CHMP1A: variants seen among roughly 807,000 people sequenced by gnomAD.
CHMP1A encodes the protein VPS46 homolog A.
CHMP1A carries 17 observed loss-of-function variants against 27.0 expected under a neutral mutation model. That is an observed-to-expected ratio of 0.63 (90% CI 0.43 to 0.95). The LOEUF (loss-of-function observed/expected upper bound fraction) is 0.95. Among genes scored for constraint, CHMP1A ranks in the 40% least tolerant of loss-of-function variants. CHMP1A has a pLI of 0.00. For synonymous variants in CHMP1A, 131 were observed against 107.5 expected, an observed-to-expected ratio of 1.22 and a Z score of -1.35; for missense variants, 275 against 264.0, an observed-to-expected ratio of 1.04 and a Z score of -0.29.
At chr16:89,646,923 T>A (rs1224226340) in intron 5 of CHMP1A, 2 of 599,266 alleles carry the variant, frequency 3.3e-6, no homozygotes, top group Non-Finnish European at 5.4e-6. Flanking sequence ...GTGCCATGCC[T>A]GCTGCCGCGG....
intron 1 of CHMP1A, among the ~76,000 whole-genome samples, chr16:89,654,885 G>A (rs902458219): frequency 4.0e-5 from 6 of 151,850 alleles, no homozygotes; most frequent in Non-Finnish European, 7.4e-5. Flanking sequence ...AGAGCTTGCA[G>A]TGAGCCGAGA....
intron 3 of CHMP1A, among the ~76,000 whole-genome samples, chr16:89,650,500 G>A (rs2059815830): frequency 6.6e-6 from 1 of 152,182 alleles, no homozygotes; most frequent in Non-Finnish European, 1.5e-5. Context: ...CTGTAGGGAG[G>A]AGAGAGCTAA....
rs1256023922 is a variant in CHMP1A, at chr16:89,653,614, C to T, written c.27+290G>A. The stretch of plus-strand genomic sequence containing the variant: ...CTCCAGCCTGGGCGACGGAGTGAGA[C>T]GCCGTCTCAAAAAAAAAAAAAAAAA... On this transcript the variant is annotated intron_variant, in intron 2 of 6. Coordinates refer to ENST00000397901, the MANE Select transcript of CHMP1A (RefSeq NM_002768.5). 1.6e-4 allele frequency among the ~76,000 whole-genome samples: 14 copies of T among 88,728 alleles called. 1 individual carries two copies. The highest frequency in any genetic ancestry group is 3.7e-4 in the African/African-American group (8 of 21,910). 58.2% of individuals were successfully genotyped at this position (88,728 alleles called of 152,430 possible).
rs464738 is a variant in CHMP1A, at chr16:89,648,405, G to C, written c.252+946C>G. Among the ~76,000 whole-genome samples the C allele has an allele frequency of 1.5e-4, 19 of 130,360 alleles. 5 individuals are homozygous for C. Among genetic ancestry groups the C allele is most frequent in the Non-Finnish European group, 3.2e-4 (19 of 59,842 alleles). The allele number at this position is 130,360 out of a possible 152,430, so 85.5% of individuals were successfully genotyped here. On this transcript the variant is annotated intron_variant, in intron 4 of 6. Coordinates refer to ENST00000397901, the MANE Select transcript of CHMP1A (RefSeq NM_002768.5). ...GTGGAGAAAAGGCCGCCGACGTGGG[G>C]ACCCAGCGCGGGGTCGGTGGAGAAA...
rs759789677 is a variant in CHMP1A, at chr16:89,649,354, C to G, written c.249G>C (p.Lys83Asn). 6.2e-7 allele frequency: 1 copy of G among 1,612,132 alleles called. No homozygotes were observed. The highest frequency in any genetic ancestry group is 1.1e-5 in the South Asian group (1 of 91,048). Residue 83 changes from lysine (K) to asparagine (N), a missense_variant, in exon 4 of 7, where the codon AAG becomes AAC. Physicochemically the swap from Lys to Asn is moderately conservative, Grantham distance 94. Coordinates refer to ENST00000397901, the MANE Select transcript of CHMP1A (RefSeq NM_002768.5). The part of the protein sequence containing the change: ...ASKVQTAVTM[K>N]GVTKNMAQVT... Reference sequence around the variant, plus strand: ...AGCACCAGGGCCCAGCACTCACCCCCTTCATAGTCACAGCTGTCTGCACCT... The same window carrying G: ...AGCACCAGGGCCCAGCACTCACCCCGTTCATAGTCACAGCTGTCTGCACCT...
rs938221219 is a variant in CHMP1A, at chr16:89,646,661, C to T, written c.435G>A (p.Gln145=). Residue 145 remains glutamine (Q), a synonymous_variant, in exon 6 of 7, where the codon CAG becomes CAA. Coordinates refer to ENST00000397901, the MANE Select transcript of CHMP1A (RefSeq NM_002768.5). The part of the protein sequence containing the change: ...SATTLTTPQE[Q]VDSLIMQIAE... ...CGATCTGCATGATGAGGCTGTCCAC[C>T]TGCTCCTGCGGCGTGGTCAGGGTGG... is the stretch of plus-strand genomic sequence containing the variant. 3.1e-6 allele frequency: 5 copies of T among 1,610,870 alleles called. No homozygotes were observed. In the African/African-American group the frequency reaches 4.0e-5, roughly 13 times the overall value.
chr16:89,652,770 C>A (rs2059835140), intron 2 of CHMP1A, among the ~76,000 whole-genome samples: 1 of 152,204 alleles, frequency 6.6e-6, no homozygotes, highest in African/African-American at 2.4e-5. Context: ...TACGGTAGCT[C>A]CGGCACATCA....
At position 89,646,042 on chromosome 16, in the gene CHMP1A, G is replaced by A. The variant is rs767608796; in HGVS notation, c.*24C>T. The A allele has an allele frequency of 5.7e-6, 9 of 1,588,676 alleles. No individual in the cohort carries two copies. The Admixed American group carries it at 1.1e-4, about 19-fold the overall frequency. On this transcript the variant is annotated 3_prime_UTR_variant, in exon 7 of 7. Transcript: ENST00000397901. ...CCTTCCAGCACATCACGGGGCAGAG[G>A]CGGTGCACACCGGCGGGGCACGGCT...
intron 3 of CHMP1A, among the ~76,000 whole-genome samples, chr16:89,649,764 G>T (rs1249965536): frequency 6.6e-6 from 1 of 152,170 alleles, no homozygotes; most frequent in Admixed American, 6.5e-5. Flanking sequence ...TTTTAGTAGA[G>T]ATGGGGTTTC....
chr16:89,656,226 T>C (rs1182598120), intron 1 of CHMP1A, among the ~76,000 whole-genome samples: 2 of 152,114 alleles, frequency 1.3e-5, no homozygotes, highest in African/African-American at 4.8e-5. Context: ...AAGCTCCGCC[T>C]CCCGGGTTCA....
chr16:89,657,666 C>A lies in CHMP1A; in HGVS notation c.-78G>T, dbSNP rs920674659. The A allele has an allele frequency of 2.5e-6, 4 of 1,598,442 alleles. No individual in the cohort carries two copies. The highest frequency in any genetic ancestry group is 3.4e-6 in the Non-Finnish European group (4 of 1,173,716). Reference sequence around the variant, plus strand: ...GGCGGTGTCAGGTCCCGGCGGCGATCGAACCGACCAAGCTGCACCCGGCGG... The same window carrying A: ...GGCGGTGTCAGGTCCCGGCGGCGATAGAACCGACCAAGCTGCACCCGGCGG... On this transcript the variant is annotated 5_prime_UTR_variant, in exon 1 of 7. Coordinates refer to ENST00000397901, the MANE Select transcript of CHMP1A (RefSeq NM_002768.5).
chr16:89,653,790 T>C, intron 2 of CHMP1A, 114 bp downstream of exon 2: 1 of 1,081,864 alleles, frequency 9.2e-7, no homozygotes. Context: ...TGTGTGGCGG[T>C]CACTCAACTG....
chr16:89,646,358 C>T (rs1002722776), intron 6 of CHMP1A, among the ~76,000 whole-genome samples, 169 bp downstream of exon 6: 8 of 152,222 alleles, frequency 5.3e-5, no homozygotes, highest in African/African-American at 1.2e-4. Flanking sequence ...AGCAGCAGGG[C>T]GGCTCGCTTG....
intron 3 of CHMP1A, among the ~76,000 whole-genome samples, chr16:89,651,160 T>C (rs2059820400): frequency 6.6e-6 from 1 of 151,824 alleles, no homozygotes; most frequent in Non-Finnish European, 1.5e-5. Flanking sequence ...GGTGGGTCAC[T>C]TGAGGATAAG....
chr16:89,650,141 C>T (rs55907147), intron 3 of CHMP1A, among the ~76,000 whole-genome samples: 13 of 152,266 alleles, frequency 8.5e-5, no homozygotes, highest in African/African-American at 2.9e-4. Context: ...TCACCGATTA[C>T]GCAGTTTTAA....
At chr16:89,651,715 C>CCCCACACCTGTG (rs995440020) in intron 2 of CHMP1A, 69 bp from the exon 3 acceptor site, 22 of 1,488,496 alleles carry the variant, frequency 1.5e-5, no homozygotes, top group African/African-American at 8.3e-5. Context: ...CTCTCCACAC[C>CCCCACACCTGTG]CCCACACCTG....
At chr16:89,655,376 TCACCTCAGCTTTC>T (rs1325832218) in intron 1 of CHMP1A, among the ~76,000 whole-genome samples, 76 of 52,912 alleles carry the variant, frequency 1.4e-3, no homozygotes, top group African/African-American at 2.9e-3. Flanking sequence ...CAGCTTTCCC[TCACCTCAGCTTTC>T]CCTCACCTCA....
intron 4 of CHMP1A, 27 bp from the exon 5 acceptor site, chr16:89,647,358 A>G: frequency 6.3e-7 from 1 of 1,592,552 alleles, no homozygotes; most frequent in Non-Finnish European, 8.6e-7. Flanking sequence ...CGCAGGAGGG[A>G]ACAGGATGAA....
intron 1 of CHMP1A, among the ~76,000 whole-genome samples, chr16:89,654,186 G>C (rs1470288870): frequency 6.6e-6 from 1 of 152,210 alleles, no homozygotes; most frequent in Non-Finnish European, 1.5e-5. Flanking sequence ...CATGAGGGTG[G>C]TACCAGCCAA....
Sources: gnomAD v4.1 joint callset for allele counts (sites outside exome capture counted in the v4.1 genomes callset) on GRCh38, gnomAD v4.1.1 for gene constraint, MANE v1.5 for transcripts, NCBI Gene and HGNC (gene_info 2026-07-23, HGNC 2026-07-21) for gene names.